The following ITPKC variants were observed in gnomAD, a reference collection of about 807,000 sequenced individuals.
ITPKC encodes the protein inositol-trisphosphate 3-kinase C.
In ITPKC, 33 loss-of-function variants were observed where a neutral mutation model predicts 67.1. The ratio of observed to expected loss-of-function variants is 0.49; its 90% CI spans 0.37 to 0.66. ITPKC has a LOEUF of 0.66. ITPKC is among the 30% of genes least tolerant of loss of function. The pLI is 0.00. For missense variants in ITPKC, 820 were observed against 892.1 expected (o/e 0.92, Z 1.03); for synonymous variants, 341 against 359.8 (o/e 0.95, Z 0.59).
intron 1 of ITPKC, 108 bp downstream of exon 1, chr19:40,718,398 A>G (rs2082203734): frequency 7.2e-7 from 1 of 1,389,798 alleles, no homozygotes; most frequent in South Asian, 1.7e-5. Context: ...CCCACCAGCA[A>G]TTTCATCTCC....
chr19:40,738,836 C>T (rs766654805), intron 6 of ITPKC, among the ~76,000 whole-genome samples: 5 of 152,108 alleles, frequency 3.3e-5, no homozygotes, highest in Non-Finnish European at 4.4e-5. Context: ...CAGTGGATGC[C>T]GGAAACTGTG....
At position 40,728,327 on chromosome 19, in the gene ITPKC, G is replaced by A. The variant is rs535251123; in HGVS notation, c.1256-875G>A. ...CTGAATCTAGGAGCTTGAGGCTGCA[G>A]TGAGCTATGATTATACCACTCAATT... On this transcript the variant is annotated intron_variant, in intron 2 of 6. Coordinates refer to ENST00000263370, the MANE Select transcript of ITPKC (RefSeq NM_025194.3). Among the ~76,000 whole-genome samples, 174 of 152,178 alleles carry A rather than the reference G, an allele frequency of 1.1e-3. 1 individual carries two copies. The highest frequency in any genetic ancestry group is 2.1e-3 in the Non-Finnish European group (144 of 68,012).
At chr19:40,730,373 C>T (rs1333242047) in intron 3 of ITPKC, among the ~76,000 whole-genome samples, 1 of 152,098 alleles carries the variant, frequency 6.6e-6, no homozygotes, top group Non-Finnish European at 1.5e-5. Context: ...TTCAACTCTC[C>T]CATTTCATTC....
intron 2 of ITPKC, 122 bp downstream of exon 2, chr19:40,725,561 C>T: frequency 1.4e-6 from 1 of 727,754 alleles, no homozygotes; most frequent in South Asian, 1.5e-5. Flanking sequence ...CCTTATGGGA[C>T]TGTTATGGGC....
chr19:40,732,990 A>G (rs532770384), intron 3 of ITPKC, among the ~76,000 whole-genome samples, 170 bp from the exon 4 acceptor site: 4 of 152,284 alleles, frequency 2.6e-5, no homozygotes, highest in Non-Finnish European at 5.9e-5. Flanking sequence ...TGCAGTGCCT[A>G]GTCATAACTG....
intron 4 of ITPKC, 74 bp from the exon 5 acceptor site, chr19:40,736,912 T>C (rs567336371): frequency 1.2e-5 from 11 of 936,402 alleles, no homozygotes; most frequent in African/African-American, 1.7e-5. Flanking sequence ...TCCTGGGAGG[T>C]ATTTGAGGTT....
intron 2 of ITPKC, among the ~76,000 whole-genome samples, chr19:40,728,813 A>C (rs2082257535): frequency 6.6e-6 from 1 of 152,278 alleles, no homozygotes; most frequent in Admixed American, 6.5e-5. Context: ...GGATCATCTG[A>C]GGTCAGGAGT....
intron 3 of ITPKC, among the ~76,000 whole-genome samples, chr19:40,730,004 G>A (rs1056091042): frequency 4.0e-5 from 6 of 151,854 alleles, no homozygotes; most frequent in Non-Finnish European, 8.8e-5. Flanking sequence ...GCAGTGGCAC[G>A]ATCTCGGCTC....
intron 1 of ITPKC, among the ~76,000 whole-genome samples, chr19:40,723,848 A>G (rs2082233898): frequency 6.6e-6 from 1 of 152,164 alleles, no homozygotes. Flanking sequence ...TAGTCAGGGT[A>G]GGTCAGGATT....
intron 2 of ITPKC, among the ~76,000 whole-genome samples, chr19:40,727,984 A>G (rs1383753328): frequency 6.6e-6 from 1 of 152,140 alleles, no homozygotes; most frequent in Non-Finnish European, 1.5e-5. Flanking sequence ...CCAGCTTGGG[A>G]GAGCAATTAA....
chr19:40,735,978 T>C (rs2082292420), intron 4 of ITPKC, among the ~76,000 whole-genome samples: 2 of 152,182 alleles, frequency 1.3e-5, no homozygotes, highest in Admixed American at 1.3e-4. Flanking sequence ...CTGAAATGAC[T>C]TAAGACTGCC....
intron 1 of ITPKC, among the ~76,000 whole-genome samples, chr19:40,723,246 C>T (rs551273092): frequency 4.1e-4 from 63 of 152,284 alleles, no homozygotes; most frequent in Non-Finnish European, 3.8e-4. Flanking sequence ...CAGGCATGAG[C>T]CACTGCGCCC....
At position 40,718,381 on chromosome 19, in the gene ITPKC, T is replaced by C. The variant is rs931355570; in HGVS notation, c.1155+91T>C. On this transcript the variant is annotated intron_variant, in intron 1 of 6. Coordinates refer to ENST00000263370, the MANE Select transcript of ITPKC (RefSeq NM_025194.3). ...TAGGAAGTTCTCTACCCATTTACTGTTAGTTGCCCACCAGCAATTTCATCT... is the reference window on the plus strand; with the variant it reads ...TAGGAAGTTCTCTACCCATTTACTGCTAGTTGCCCACCAGCAATTTCATCT... The C allele has an allele frequency of 3.5e-6, 5 of 1,436,754 alleles. No individual in the cohort carries two copies. In the Admixed American group the frequency reaches 7.4e-5, roughly 21 times the overall value. 89.0% of individuals were successfully genotyped at this position (1,436,754 alleles called of 1,614,324 possible). A position where few individuals can be genotyped will look rare whatever the true frequency, so the allele number is the denominator to read the frequency against.
intron 1 of ITPKC, among the ~76,000 whole-genome samples, chr19:40,721,737 T>C (rs768300642): frequency 2.0e-5 from 3 of 151,990 alleles, no homozygotes; most frequent in East Asian, 1.9e-4. Context: ...TGGTGGCTTA[T>C]GCCTATAATC....
At chr19:40,739,063 A>G (rs941810187) in intron 6 of ITPKC, among the ~76,000 whole-genome samples, 3 of 152,238 alleles carry the variant, frequency 2.0e-5, no homozygotes, top group African/African-American at 7.2e-5. Context: ...GGAATTTTCC[A>G]CTTAATATTT....
chr19:40,731,481 G>A (rs1163048104), intron 3 of ITPKC, among the ~76,000 whole-genome samples: 2 of 152,044 alleles, frequency 1.3e-5, no homozygotes, highest in Admixed American at 1.3e-4. Flanking sequence ...GAAGAGAAGT[G>A]TAGGGCAAGG....
At chr19:40,728,461 C>T (rs1343280830) in intron 2 of ITPKC, among the ~76,000 whole-genome samples, 2 of 152,146 alleles carry the variant, frequency 1.3e-5, no homozygotes, top group Admixed American at 6.6e-5. Flanking sequence ...ATAATCTATA[C>T]ACTCTGCGTG....
intron 2 of ITPKC, among the ~76,000 whole-genome samples, chr19:40,728,769 T>G (rs566627811): frequency 6.6e-5 from 10 of 152,260 alleles, no homozygotes; most frequent in African/African-American, 2.4e-4. Context: ...GGCTCACGCT[T>G]GTAATCCCAG....
chr19:40,721,426 A>G (rs1039327220), intron 1 of ITPKC, among the ~76,000 whole-genome samples: 6 of 150,886 alleles, frequency 4.0e-5, no homozygotes, highest in Admixed American at 4.0e-4. Flanking sequence ...GCTGAAGTGC[A>G]GTGGCGAGAT....
Sources: allele counts gnomAD v4.1 joint callset (sites outside exome capture counted in the v4.1 genomes callset), GRCh38; gene constraint gnomAD v4.1.1; transcripts MANE v1.5; gene names NCBI Gene and HGNC (gene_info 2026-07-23, HGNC 2026-07-21).